PPARGC1A: variants seen among roughly 807,000 people sequenced by gnomAD.
The protein encoded by PPARGC1A is peroxisome proliferator-activated receptor gamma coactivator 1-alpha.
A neutral mutation model predicts 88.7 loss-of-function variants in PPARGC1A; 25 were observed. The observed-to-expected ratio is 0.28, with a 90% CI of 0.21 to 0.39. PPARGC1A has a LOEUF of 0.39. Among genes scored for constraint, PPARGC1A ranks in the 10% least tolerant of loss-of-function variants. The pLI is 1.00. For missense variants in PPARGC1A, 880 were observed against 968.7 expected, an observed-to-expected ratio of 0.91 and a Z score of 1.22; for synonymous variants, 363 against 355.6, an observed-to-expected ratio of 1.02 and a Z score of -0.24.
chr4:24,136,333 C>G, the PPARGC1A span, among the ~76,000 whole-genome samples: 1 of 152,182 alleles, frequency 6.6e-6, no homozygotes. Context: ...CAATCCATGT[C>G]CCACAGTTGG....
chr4:23,811,257 A>G lies in PPARGC1A; in HGVS notation c.2019+1490T>C, dbSNP rs758112462. ...TGATTCCATTAGTCAGCTCTTTTATATAGCTTTTGCAAAATTGTGTTGATG... is the reference window on the plus strand; with the variant it reads ...TGATTCCATTAGTCAGCTCTTTTATGTAGCTTTTGCAAAATTGTGTTGATG... On this transcript the variant is annotated intron_variant, in intron 10 of 12. Coordinates refer to ENST00000264867, the MANE Select transcript of PPARGC1A (RefSeq NM_013261.5). Among the ~76,000 whole-genome samples, 59 of 152,182 alleles carry G rather than the reference A, an allele frequency of 3.9e-4. 1 individual carries two copies. Among genetic ancestry groups the G allele is most frequent in the South Asian group, 6.2e-4 (3 of 4,830 alleles).
chr4:24,194,778 C>T, the PPARGC1A span, among the ~76,000 whole-genome samples: 8 of 152,202 alleles, frequency 5.3e-5, no homozygotes, highest in East Asian at 1.5e-3. Flanking sequence ...TTGTTTCATT[C>T]CTGGTAGGAA....
the PPARGC1A span, among the ~76,000 whole-genome samples, chr4:24,040,290 CA>C: frequency 6.6e-6 from 1 of 152,156 alleles, no homozygotes; most frequent in East Asian, 1.9e-4. Context: ...TTTTAATGTG[CA>C]AATATTTTAA....
chr4:23,844,720 A>G (rs1203596713), intron 2 of PPARGC1A, among the ~76,000 whole-genome samples: 2 of 93,930 alleles, frequency 2.1e-5, no homozygotes, highest in African/African-American at 9.2e-5. Context: ...TATGATATAT[A>G]TTATTATAAT....
chr4:24,168,628 A>AC, the PPARGC1A span, among the ~76,000 whole-genome samples: 1,782 of 148,374 alleles, frequency 0.012, 25 homozygotes, highest in African/African-American at 0.043. Context: ...CACACACACA[A>AC]ACACACAGAC....
the PPARGC1A span, among the ~76,000 whole-genome samples, chr4:24,457,332 G>A: frequency 1.3e-5 from 2 of 152,002 alleles, no homozygotes; most frequent in Admixed American, 6.6e-5. Flanking sequence ...AAAGAAAGAG[G>A]GGCAAGCCAG....
the PPARGC1A span, among the ~76,000 whole-genome samples, chr4:24,418,731 A>G: frequency 6.6e-6 from 1 of 152,236 alleles, no homozygotes; most frequent in Non-Finnish European, 1.5e-5. Context: ...CTATAAACAT[A>G]GCTATTACCA....
chr4:24,141,450 G>A, the PPARGC1A span, among the ~76,000 whole-genome samples: 7 of 152,230 alleles, frequency 4.6e-5, no homozygotes, highest in Admixed American at 4.6e-4. Flanking sequence ...CAGATCTGGG[G>A]TTTATTAACC....
the PPARGC1A span, among the ~76,000 whole-genome samples, chr4:24,177,923 G>A: frequency 6.6e-6 from 1 of 152,120 alleles, no homozygotes; most frequent in Admixed American, 6.6e-5. Flanking sequence ...TCTGTTTCTG[G>A]GAAATCATCT....
chr4:24,410,386 C>T, the PPARGC1A span, among the ~76,000 whole-genome samples: 4 of 152,110 alleles, frequency 2.6e-5, no homozygotes, highest in South Asian at 2.1e-4. Flanking sequence ...AAAAGTTTTG[C>T]GTGTGTTCAT....
At chr4:24,254,917 G>A in the PPARGC1A span, among the ~76,000 whole-genome samples, 490 of 152,136 alleles carry the variant, frequency 3.2e-3, 4 homozygotes, top group African/African-American at 0.011. Flanking sequence ...CATTTTTCAG[G>A]GATTATGGAA....
intron 10 of PPARGC1A, among the ~76,000 whole-genome samples, chr4:23,803,304 A>G (rs951376474): frequency 4.6e-5 from 7 of 152,152 alleles, no homozygotes; most frequent in Non-Finnish European, 8.8e-5. Context: ...ACAATAATTT[A>G]AGAAATACAG....
chr4:23,952,821 C>G, the PPARGC1A span, among the ~76,000 whole-genome samples: 2 of 152,014 alleles, frequency 1.3e-5, no homozygotes, highest in South Asian at 4.1e-4. Flanking sequence ...TTTAGTGCCT[C>G]TACGTGGCTA....
the PPARGC1A span, among the ~76,000 whole-genome samples, chr4:24,441,070 G>A: frequency 6.6e-6 from 1 of 152,092 alleles, no homozygotes; most frequent in Non-Finnish European, 1.5e-5. Context: ...GCTAAGATTT[G>A]CAATAACATA....
the PPARGC1A span, among the ~76,000 whole-genome samples, chr4:23,948,307 A>G: frequency 2.6e-5 from 4 of 152,298 alleles, no homozygotes; most frequent in African/African-American, 2.4e-5. Flanking sequence ...ATTTTCTTCT[A>G]TGTAATACTA....
chr4:23,935,359 A>G, the PPARGC1A span, among the ~76,000 whole-genome samples: 6 of 152,202 alleles, frequency 3.9e-5, no homozygotes, highest in Non-Finnish European at 7.3e-5. Context: ...CTGGAAGTAA[A>G]TTATATACTA....
chr4:24,057,456 T>TAA, the PPARGC1A span, among the ~76,000 whole-genome samples: 1,898 of 139,454 alleles, frequency 0.014, 48 homozygotes, highest in African/African-American at 0.047. Context: ...TAAGATGGTT[T>TAA]AAAAAAAAAA....
chr4:24,410,243 C>T, the PPARGC1A span, among the ~76,000 whole-genome samples: 31 of 152,062 alleles, frequency 2.0e-4, no homozygotes, highest in Non-Finnish European at 4.4e-4. Flanking sequence ...TGTAATAAAA[C>T]ATAACAACAT....
intron 7 of PPARGC1A, among the ~76,000 whole-genome samples, chr4:23,818,342 G>A (rs767038095): frequency 2.2e-4 from 33 of 152,172 alleles, no homozygotes; most frequent in Non-Finnish European, 4.0e-4. Context: ...ACTCTCAGCA[G>A]TGCAGCTCGG....
Sources: gnomAD v4.1 joint callset for allele counts (sites outside exome capture counted in the v4.1 genomes callset) on GRCh38, gnomAD v4.1.1 for gene constraint, MANE v1.5 for transcripts, NCBI Gene and HGNC (gene_info 2026-07-23, HGNC 2026-07-21) for gene names.